The following L3MBTL4 variants were observed in gnomAD, a reference collection of about 807,000 sequenced individuals.
L3MBTL4 encodes the protein L3MBTL histone methyl-lysine binding protein 4, also known as lethal(3)malignant brain tumor-like protein 4.
A neutral mutation model predicts 84.5 loss-of-function variants in L3MBTL4; 70 were observed. The ratio of observed to expected loss-of-function variants is 0.83; its 90% CI spans 0.68 to 1.01. The LOEUF (loss-of-function observed/expected upper bound fraction) is 1.01, where lower values mean the gene tolerates loss of function less well. L3MBTL4 is among the 50% of genes least tolerant of loss of function. L3MBTL4 has a pLI of 0.00. For synonymous variants in L3MBTL4, 274 were observed against 259.8 expected (o/e 1.05, Z -0.52); for missense variants, 715 against 754.8 (o/e 0.95, Z 0.62).
chr18:6,213,732 C>T (rs57483199), intron 11 of L3MBTL4, among the ~76,000 whole-genome samples: 1 of 152,240 alleles, frequency 6.6e-6, no homozygotes, highest in African/African-American at 2.4e-5. Flanking sequence ...TTTAAGAGCA[C>T]ATAGGACTGT....
intron 1 of L3MBTL4, among the ~76,000 whole-genome samples, chr18:6,345,476 G>A (rs529387294): frequency 1.4e-4 from 21 of 151,670 alleles, no homozygotes; most frequent in South Asian, 8.3e-4. Context: ...TTAAAAATTC[G>A]GTAAATTTGC....
At chr18:6,390,193 C>T (rs1206567486) in intron 1 of L3MBTL4, among the ~76,000 whole-genome samples, 2 of 151,916 alleles carry the variant, frequency 1.3e-5, no homozygotes, top group Non-Finnish European at 1.5e-5. Context: ...CACACACACA[C>T]ATATATTACA....
At position 6,286,413 on chromosome 18, in the gene L3MBTL4, G is replaced by A. The variant is rs929144126; in HGVS notation, c.127+15490C>T. On this transcript the variant is annotated intron_variant, in intron 4 of 18. Coordinates refer to ENST00000317931, the MANE Select transcript of L3MBTL4 (RefSeq NM_001330559.2). Reference sequence around the variant, plus strand: ...CAGGAGGCAGAGGTTGCAGTGAGCCGAGATCACGCCACTGCACTCGCCTGG... The same window carrying A: ...CAGGAGGCAGAGGTTGCAGTGAGCCAAGATCACGCCACTGCACTCGCCTGG... Among the ~76,000 whole-genome samples the A allele has an allele frequency of 8.6e-5, 13 of 151,642 alleles. 1 individual carries two copies. The highest frequency in any genetic ancestry group is 3.1e-4 in the African/African-American group (13 of 41,390).
chr18:6,307,385 C>A (rs369191844), intron 3 of L3MBTL4, among the ~76,000 whole-genome samples: 1 of 149,904 alleles, frequency 6.7e-6, no homozygotes, highest in African/African-American at 2.5e-5. Flanking sequence ...TGCAGTGAGC[C>A]GAGATTGCGC....
chr18:5,977,817 C>G (rs904851718), intron 16 of L3MBTL4, among the ~76,000 whole-genome samples: 1 of 152,164 alleles, frequency 6.6e-6, no homozygotes, highest in African/African-American at 2.4e-5. Flanking sequence ...CTCCTTGCCA[C>G]CCTCAGGCCT....
chr18:6,133,827 G>T (rs1398025318), intron 14 of L3MBTL4, among the ~76,000 whole-genome samples: 4 of 152,184 alleles, frequency 2.6e-5, no homozygotes, highest in Non-Finnish European at 5.9e-5. Flanking sequence ...GGAGTTGGGT[G>T]AGTGGGCCCC....
At chr18:6,294,155 C>G (rs2049990327) in intron 4 of L3MBTL4, among the ~76,000 whole-genome samples, 1 of 151,982 alleles carries the variant, frequency 6.6e-6, no homozygotes, top group African/African-American at 2.4e-5. Context: ...AACTTACTCT[C>G]TAATTCAGGA....
At chr18:6,220,766 T>C (rs1381420147) in intron 10 of L3MBTL4, among the ~76,000 whole-genome samples, 1 of 152,194 alleles carries the variant, frequency 6.6e-6, no homozygotes, top group Admixed American at 6.5e-5. Context: ...CCTGAAACAT[T>C]TACATTTTAC....
At chr18:6,247,045 A>G (rs760657102) in intron 5 of L3MBTL4, among the ~76,000 whole-genome samples, 1 of 152,170 alleles carries the variant, frequency 6.6e-6, no homozygotes, top group Non-Finnish European at 1.5e-5. Context: ...TACTTACTCT[A>G]TCTCTCATAT....
chr18:6,378,656 C>G (rs746203673), intron 1 of L3MBTL4, among the ~76,000 whole-genome samples: 1 of 152,144 alleles, frequency 6.6e-6, no homozygotes, highest in Non-Finnish European at 1.5e-5. Context: ...TCTGAGGCCT[C>G]TGTTCTGTTC....
chr18:6,353,069 G>T (rs926826043), intron 1 of L3MBTL4, among the ~76,000 whole-genome samples: 3 of 152,102 alleles, frequency 2.0e-5, no homozygotes, highest in South Asian at 2.1e-4. Flanking sequence ...GCAACCTAGT[G>T]CAGTGTTTCT....
intron 16 of L3MBTL4, among the ~76,000 whole-genome samples, chr18:6,046,237 G>C (rs2056614253): frequency 6.6e-6 from 1 of 152,018 alleles, no homozygotes; most frequent in Non-Finnish European, 1.5e-5. Flanking sequence ...CCCAACACTG[G>C]GGCACCCAGA....
chr18:5,990,406 T>C (rs1254399660), intron 16 of L3MBTL4, among the ~76,000 whole-genome samples: 2 of 152,206 alleles, frequency 1.3e-5, no homozygotes, highest in African/African-American at 2.4e-5. Context: ...ATGTTTGGCA[T>C]GTTATTAATT....
intron 15 of L3MBTL4, among the ~76,000 whole-genome samples, chr18:6,086,769 T>C (rs2058273460): frequency 1.3e-5 from 2 of 152,206 alleles, no homozygotes; most frequent in Admixed American, 1.3e-4. Context: ...ACTGTGATTT[T>C]CTCTTCATTT....
chr18:6,258,255 A>G (rs2048241317), intron 5 of L3MBTL4, among the ~76,000 whole-genome samples: 1 of 152,124 alleles, frequency 6.6e-6, no homozygotes, highest in South Asian at 2.1e-4. Context: ...AGCCCAGACT[A>G]ACAACACAGA....
intron 1 of L3MBTL4, among the ~76,000 whole-genome samples, chr18:6,314,235 AT>A (rs1475473410): frequency 6.6e-6 from 1 of 152,200 alleles, no homozygotes; most frequent in Non-Finnish European, 1.5e-5. Context: ...AAATACATGG[AT>A]TACTCTGACT....
chr18:6,100,843 C>T (rs2058800832), intron 14 of L3MBTL4, among the ~76,000 whole-genome samples: 3 of 152,214 alleles, frequency 2.0e-5, no homozygotes, highest in Admixed American at 2.0e-4. Flanking sequence ...TGCGACACCA[C>T]CCTAGCAGAG....
intron 14 of L3MBTL4, among the ~76,000 whole-genome samples, chr18:6,118,993 C>CTTTTTTTTTTTTTTT (rs779523685): frequency 1.2e-4 from 10 of 83,710 alleles, no homozygotes; most frequent in Non-Finnish European, 1.4e-4. Context: ...TTTTTGGTTT[C>CTTTTTTTTTTTTTTT]TTTTTTTTTT....
rs371156923 is a variant in L3MBTL4, at chr18:6,242,000, T to G, written c.461-551A>C. Reference sequence around the variant, plus strand: ...GCTTTCTGCGCCGCATCTTTACTAGTCTCCCATTAAAAACTGCTGCATCCT... The same window carrying G: ...GCTTTCTGCGCCGCATCTTTACTAGGCTCCCATTAAAAACTGCTGCATCCT... On this transcript the variant is annotated intron_variant, in intron 7 of 18. Coordinates refer to ENST00000317931, the MANE Select transcript of L3MBTL4 (RefSeq NM_001330559.2). Among the ~76,000 whole-genome samples the G allele has an allele frequency of 2.6e-5, 4 of 152,112 alleles. No homozygotes were observed. The South Asian group carries it at 6.2e-4, about 24-fold the overall frequency.
Sources: allele counts gnomAD v4.1 joint callset (sites outside exome capture counted in the v4.1 genomes callset), GRCh38; gene constraint gnomAD v4.1.1; transcripts MANE v1.5; gene names NCBI Gene and HGNC (gene_info 2026-07-23, HGNC 2026-07-21).